The following CHN1 variants were observed in gnomAD, a reference collection of about 807,000 sequenced individuals.
CHN1 encodes chimerin 1.
In CHN1, 37 loss-of-function variants were observed where a neutral mutation model predicts 59.5. The observed-to-expected ratio is 0.62, with a 90% CI of 0.48 to 0.82. The LOEUF (loss-of-function observed/expected upper bound fraction) is 0.82. CHN1 is among the 40% of genes least tolerant of loss of function. CHN1 has a pLI of 0.00. For synonymous variants in CHN1, 206 were observed against 200.4 expected, an observed-to-expected ratio of 1.03 and a Z score of -0.24; for missense variants, 469 against 571.0, an observed-to-expected ratio of 0.82 and a Z score of 1.82.
At chr2:174,980,387 T>C (rs893102829) in intron 1 of CHN1, among the ~76,000 whole-genome samples, 2 of 152,222 alleles carry the variant, frequency 1.3e-5, no homozygotes, top group Non-Finnish European at 2.9e-5. Flanking sequence ...ATAAACACTG[T>C]ATTTAGTTCC....
At chr2:174,923,948 A>G (rs1689090516) in intron 3 of CHN1, among the ~76,000 whole-genome samples, 1 of 152,168 alleles carries the variant, frequency 6.6e-6, no homozygotes, top group African/African-American at 2.4e-5. Context: ...TCACACACCA[A>G]TTTCATCTTT....
rs938079645 is a variant in CHN1 at position 174,847,103 on chromosome 2, C to T, written c.550-146G>A. ...GTGAACTGCAGCCCTATTAGTTTTC[C>T]TCCCTGACCAAGACTCTTTGGATGG... On this transcript the variant is annotated intron_variant, in intron 6 of 12. Coordinates refer to ENST00000409900, the MANE Select transcript of CHN1 (RefSeq NM_001822.7). 1.9e-6 allele frequency: 3 copies of T among 1,551,412 alleles called. No homozygotes were observed. The African/African-American group carries it at 4.1e-5, about 21-fold the overall frequency.
At position 174,939,614 on chromosome 2, in the gene CHN1, C is replaced by T. The variant is rs181913665; in HGVS notation, c.114+5274G>A. ...TACTTCAGGACTTTCCAAAGTACTG[C>T]CAATTTCTCACTTTCAGTTTCTCAC... On this transcript the variant is annotated intron_variant, in intron 3 of 12. Transcript: ENST00000409900. 5.2e-3 allele frequency among the ~76,000 whole-genome samples: 799 copies of T among 152,214 alleles called. 4 individuals are homozygous for T. Among genetic ancestry groups the T allele is most frequent in the Middle Eastern group, 0.01 (3 of 294 alleles).
At chr2:174,834,807 A>G (rs556401798) in intron 7 of CHN1, among the ~76,000 whole-genome samples, 19 of 152,212 alleles carry the variant, frequency 1.2e-4, no homozygotes, top group Non-Finnish European at 2.4e-4. Context: ...AATAATTTAT[A>G]TTCTTTTAAA....
intron 3 of CHN1, among the ~76,000 whole-genome samples, chr2:174,937,775 G>T (rs1689540667): frequency 6.6e-6 from 1 of 151,876 alleles, no homozygotes. Context: ...AAAAAGCCTG[G>T]CACCTCATCC....
chr2:174,915,070 G>A lies in CHN1; in HGVS notation c.248C>T (p.Thr83Ile). Residue 83 changes from threonine (T) to isoleucine (I), a missense_variant, in exon 5 of 13, where the codon ACT becomes ATT. Physicochemically the swap from Thr to Ile is moderately conservative, Grantham distance 89 (BLOSUM62 -1). Coordinates refer to ENST00000409900, the MANE Select transcript of CHN1 (RefSeq NM_001822.7). The stretch of plus-strand genomic sequence containing the variant: ...GCCCATGACCAACCTTAAAGCCAAA[G>A]TGTAGGTCCCTGGCTGCCGCTGGCT... Reference protein sequence around the residue: ...RESQRQPGTYTLALRFGSQTR... With the variant: ...RESQRQPGTYILALRFGSQTR... The A allele has an allele frequency of 6.2e-7, 1 of 1,610,260 alleles. No individual in the cohort carries two copies. Among genetic ancestry groups the A allele is most frequent in the Non-Finnish European group, 8.5e-7 (1 of 1,177,888 alleles).
intron 3 of CHN1, among the ~76,000 whole-genome samples, chr2:174,938,032 TA>T (rs897423468): frequency 6.6e-6 from 1 of 151,858 alleles, no homozygotes; most frequent in African/African-American, 2.4e-5. Flanking sequence ...ATTCCTCAGT[TA>T]AAAAAAAATT....
chr2:174,983,829 A>AAAAT (rs112080160), intron 1 of CHN1, among the ~76,000 whole-genome samples: 3,892 of 152,018 alleles, frequency 0.026, 153 homozygotes, highest in African/African-American at 0.086. Flanking sequence ...CTCCGTCTTA[A>AAAAT]AAATAAATAA....
At chr2:174,903,502 T>G (rs780263154) in intron 5 of CHN1, among the ~76,000 whole-genome samples, 6 of 152,120 alleles carry the variant, frequency 3.9e-5, no homozygotes, top group Non-Finnish European at 7.4e-5. Flanking sequence ...AAAGTAATTG[T>G]GAATGGTGTT....
At chr2:174,870,439 C>T (rs1434880216) in intron 6 of CHN1, among the ~76,000 whole-genome samples, 4 of 152,082 alleles carry the variant, frequency 2.6e-5, no homozygotes, top group Admixed American at 1.3e-4. Flanking sequence ...CTATTGTTTT[C>T]CAATCTCTGA....
rs71031072 is a variant in CHN1, at chr2:174,847,773, C to CAAAAAAAAAA, written c.550-826_550-817dup. 5.2e-4 allele frequency: 124 copies of CAAAAAAAAAA among 238,420 alleles called. 11 individuals carry two copies. The highest frequency in any genetic ancestry group is 4.9e-3 in the African/African-American group (81 of 16,462). The allele number at this position is 238,420 out of a possible 1,614,324, so 14.8% of individuals were successfully genotyped here. The stretch of plus-strand genomic sequence containing the variant: ...AAGTAAGTTTCTTGCTGGCTCAAGG[C>CAAAAAAAAAA]AAAAAAAAAAAAAAAAAAAAAAAAA... On this transcript the variant is annotated intron_variant, in intron 6 of 12. Coordinates refer to ENST00000409900, the MANE Select transcript of CHN1 (RefSeq NM_001822.7).
At chr2:174,800,995 C>T (rs972604928) in intron 12 of CHN1, among the ~76,000 whole-genome samples, 1 of 152,190 alleles carries the variant, frequency 6.6e-6, no homozygotes, top group South Asian at 2.1e-4. Context: ...TTATATAACT[C>T]ATGCCTTTGG....
At chr2:174,998,683 G>A (rs967566514) in intron 1 of CHN1, among the ~76,000 whole-genome samples, 6 of 152,146 alleles carry the variant, frequency 3.9e-5, no homozygotes, top group African/African-American at 1.4e-4. Flanking sequence ...TCTCTCAACT[G>A]TGGGTATTGG....
rs189586840 is a variant in CHN1, at chr2:174,890,849, A to C, written c.261-12721T>G. On this transcript the variant is annotated intron_variant, in intron 5 of 12. Transcript: ENST00000409900. ...TGTTAGGCCTCAAAACAAGTCTTAA[A>C]AAATTTAAGAAGGCTTAAATCATAC... Among the ~76,000 whole-genome samples the C allele has an allele frequency of 5.3e-5, 8 of 152,290 alleles. No individual in the cohort carries two copies. The East Asian group carries it at 1.5e-3, about 29-fold the overall frequency.
At chr2:174,840,161 CTTTTT>C (rs71407154) in intron 7 of CHN1, among the ~76,000 whole-genome samples, 14 of 67,386 alleles carry the variant, frequency 2.1e-4, no homozygotes, top group Admixed American at 4.7e-4. Context: ...TAAAACCATT[CTTTTT>C]TTTTTTTTTT....
chr2:174,961,905 A>C (rs1300381382), intron 1 of CHN1, among the ~76,000 whole-genome samples: 1 of 152,208 alleles, frequency 6.6e-6, no homozygotes, highest in African/African-American at 2.4e-5. Context: ...CTCCCTCAGG[A>C]GTCCCTGGAC....
chr2:174,974,063 T>C (rs2105441345), intron 1 of CHN1, among the ~76,000 whole-genome samples: 1 of 152,328 alleles, frequency 6.6e-6, no homozygotes, highest in Non-Finnish European at 1.5e-5. Context: ...ACTTCTTTTT[T>C]TCCCATTTCC....
intron 1 of CHN1, among the ~76,000 whole-genome samples, chr2:174,991,602 C>A (rs960563929): frequency 4.0e-4 from 61 of 152,132 alleles, no homozygotes; most frequent in African/African-American, 1.3e-3. Context: ...ATATACCTGC[C>A]CTTGACATGA....
intron 1 of CHN1, among the ~76,000 whole-genome samples, chr2:174,962,776 G>A (rs1690456973): frequency 6.6e-6 from 1 of 150,744 alleles, no homozygotes; most frequent in Admixed American, 6.6e-5. Flanking sequence ...CGGGCATGAT[G>A]GCATGCATCT....
Sources: gnomAD v4.1 joint callset for allele counts (sites outside exome capture counted in the v4.1 genomes callset) on GRCh38, gnomAD v4.1.1 for gene constraint, MANE v1.5 for transcripts, NCBI Gene and HGNC (gene_info 2026-07-23, HGNC 2026-07-21) for gene names.